The following HECTD4 variants were observed in gnomAD, a reference collection of about 807,000 sequenced individuals.
The protein encoded by HECTD4 is HECT domain E3 ubiquitin protein ligase 4, also known as probable E3 ubiquitin-protein ligase HECTD4.
Under a neutral mutation model 471.5 loss-of-function variants are expected in HECTD4, and 114 were observed. The observed-to-expected ratio is 0.24, with a 90% CI of 0.21 to 0.28. The LOEUF (loss-of-function observed/expected upper bound fraction) is 0.28, where lower values mean the gene tolerates loss of function less well. Ranked by LOEUF, HECTD4 falls within the 10% of genes least tolerant of loss-of-function variation. The pLI is 1.00. For missense variants in HECTD4, 3,866 were observed against 5,651.5 expected (o/e 0.68, Z 10.13); for synonymous variants, 2,012 against 2,256.0 (o/e 0.89, Z 3.07).
intron 1 of HECTD4, among the ~76,000 whole-genome samples, chr12:112,334,512 C>T (rs1022207432): frequency 2.0e-5 from 3 of 151,238 alleles, no homozygotes; most frequent in South Asian, 2.1e-4. Flanking sequence ...TGGCCATAAT[C>T]GGCCAGGCAC....
intron 44 of HECTD4, among the ~76,000 whole-genome samples, chr12:112,221,868 C>T (rs1415188024): frequency 6.6e-6 from 1 of 151,574 alleles, no homozygotes; most frequent in Non-Finnish European, 1.5e-5. Flanking sequence ...GATTCTCCTG[C>T]CTCAGCCTCC....
intron 1 of HECTD4, among the ~76,000 whole-genome samples, chr12:112,321,135 T>C (rs2035577516): frequency 6.6e-6 from 1 of 151,908 alleles, no homozygotes; most frequent in African/African-American, 2.4e-5. Flanking sequence ...TGAGCCACTA[T>C]GCCTGGCAGC....
chr12:112,238,962 TTCTC>T, intron 34 of HECTD4, 86 bp downstream of exon 34: 9 of 1,249,472 alleles, frequency 7.2e-6, no homozygotes, highest in Non-Finnish European at 9.9e-6. Context: ...AATAGAGGCT[TTCTC>T]TCTTTCATTT....
intron 72 of HECTD4, among the ~76,000 whole-genome samples, chr12:112,164,549 T>C (rs1460407679): frequency 6.6e-6 from 1 of 151,878 alleles, no homozygotes; most frequent in East Asian, 1.9e-4. Context: ...CCGACTATGA[T>C]GGGAAACCCT....
At position 112,194,998 on chromosome 12, in the gene HECTD4, G is replaced by A; in HGVS notation, c.8636C>T (p.Ala2879Val). The change falls in exon 56 of 76, where the codon GCC becomes GTC. Residue 2879 changes from alanine to valine, a missense_variant. Ala to Val is a moderately conservative substitution (Grantham distance 64). This residue lies in a region of HECTD4 where 266 missense variants were observed against 441.6 expected (regional missense o/e 0.60). Coordinates refer to ENST00000682272, the MANE Select transcript of HECTD4 (RefSeq NM_001388303.1). This position sits in a 1 kb window ranked among gnomAD's most constrained non-coding sequence, Gnocchi z 4.6. The stretch of plus-strand genomic sequence containing the variant: ...AGTGAACAAGTGAGGCAACTTCGGG[G>A]CGAAGATATTGAGCAGGGCCATGCG... Reference protein sequence around the residue: ...YCRMALLNIFAPKLPHLFTRL... With the variant: ...YCRMALLNIFVPKLPHLFTRL... The A allele has an allele frequency of 6.2e-7, 1 of 1,611,360 alleles. No individual in the cohort carries two copies. Among genetic ancestry groups the A allele is most frequent in the Non-Finnish European group, 8.5e-7 (1 of 1,178,892 alleles).
chr12:112,235,182 T>A lies in HECTD4; in HGVS notation c.5810A>T (p.Asp1937Val), dbSNP rs756875183. Residue 1937 changes from aspartate to valine, a missense_variant, in exon 37 of 76, where the codon GAT becomes GTT. Physicochemically the swap from Asp to Val is radical, Grantham distance 152. Coordinates refer to ENST00000682272, the MANE Select transcript of HECTD4 (RefSeq NM_001388303.1). The surrounding 1 kb of genome is among the most constrained non-coding windows in gnomAD (Gnocchi z 5.0). ...CTCACTCTCTTCTCCAGGATCTTTATCTCCTTTCAAGGAATTCTTGGGACT... is the reference window on the plus strand; with the variant it reads ...CTCACTCTCTTCTCCAGGATCTTTAACTCCTTTCAAGGAATTCTTGGGACT... The part of the protein sequence containing the change: ...KTSPKNSLKG[D>V]KDPGEESEAV... The A allele has an allele frequency of 1.2e-6, 2 of 1,613,992 alleles. No individual in the cohort carries two copies. The highest frequency in any genetic ancestry group is 1.1e-5 in the South Asian group (1 of 91,078).
intron 7 of HECTD4, among the ~76,000 whole-genome samples, chr12:112,287,207 T>C (rs1404474746): frequency 6.6e-6 from 1 of 152,176 alleles, no homozygotes; most frequent in African/African-American, 2.4e-5. Context: ...TTTAATTTTC[T>C]CCCCAGCATT....
chr12:112,203,307 T>C (rs997010529), intron 54 of HECTD4: 1 of 191,272 alleles, frequency 5.2e-6, no homozygotes, highest in Non-Finnish European at 1.1e-5. Flanking sequence ...TCAAGGACAA[T>C]GGGGACTTTT....
chr12:112,377,889 G>A (rs1284463392), intron 1 of HECTD4, among the ~76,000 whole-genome samples: 1 of 151,942 alleles, frequency 6.6e-6, no homozygotes, highest in Admixed American at 6.6e-5. Context: ...AAGAAAGAAA[G>A]AAAGAAAAAG....
intron 23 of HECTD4, 136 bp downstream of exon 23, chr12:112,252,288 G>A: frequency 1.2e-6 from 1 of 813,374 alleles, no homozygotes. Context: ...GCTAGTAGTT[G>A]ACTAGTGCCA....
At chr12:112,251,761 T>TTTTG (rs961670996) in intron 23 of HECTD4, among the ~76,000 whole-genome samples, 1 of 152,128 alleles carries the variant, frequency 6.6e-6, no homozygotes, top group Non-Finnish European at 1.5e-5. Flanking sequence ...GTACTCTGTT[T>TTTTG]TTTGTTTGTT....
At chr12:112,364,925 A>T (rs1419253652) in intron 1 of HECTD4, among the ~76,000 whole-genome samples, 1 of 152,208 alleles carries the variant, frequency 6.6e-6, no homozygotes, top group Admixed American at 6.5e-5. Context: ...CTTGTGGGGC[A>T]TAAGATCTTG....
At chr12:112,323,957 T>TCTTTCTTC (rs2035643731) in intron 1 of HECTD4, among the ~76,000 whole-genome samples, 1 of 43,582 alleles carries the variant, frequency 2.3e-5, no homozygotes, top group Non-Finnish European at 3.6e-5. Flanking sequence ...CTTCTTTCTT[T>TCTTTCTTC]CTTTCTTTCT....
At chr12:112,360,089 A>AT in intron 1 of HECTD4, among the ~76,000 whole-genome samples, 1 of 152,218 alleles carries the variant, frequency 6.6e-6, no homozygotes, top group African/African-American at 2.4e-5. Flanking sequence ...TCTAGAAAGT[A>AT]TTTTTCTTGG....
rs1390878555 is a variant in HECTD4 at position 112,243,671 on chromosome 12, A to G, written c.4740T>C (p.Ser1580=). Residue 1580 remains serine, a synonymous_variant, in exon 31 of 76, where the codon AGT becomes AGC. Coordinates refer to ENST00000682272, the MANE Select transcript of HECTD4 (RefSeq NM_001388303.1). This position sits in a 1 kb window ranked among gnomAD's most constrained non-coding sequence, Gnocchi z 6.6. The part of the protein sequence containing the change: ...IEDSRDKPTY[S]VLLGQLFAFI... Reference sequence around the variant, plus strand: ...AAGCAAACAGCTGCCCTAGCAGGACACTGTAGGTGGGCTTGTCCCTGCTGT... The same window carrying G: ...AAGCAAACAGCTGCCCTAGCAGGACGCTGTAGGTGGGCTTGTCCCTGCTGT... 5 of 1,613,530 alleles carry G rather than the reference A, an allele frequency of 3.1e-6. No individual in the cohort carries two copies. The highest frequency in any genetic ancestry group is 4.5e-5 in the East Asian group (2 of 44,878).
At chr12:112,187,537 C>T (rs971848345) in intron 60 of HECTD4, among the ~76,000 whole-genome samples, 1 of 150,776 alleles carries the variant, frequency 6.6e-6, no homozygotes, top group Non-Finnish European at 1.5e-5. Flanking sequence ...CAGGCCCGGC[C>T]TGTATTTATT....
intron 64 of HECTD4, among the ~76,000 whole-genome samples, chr12:112,177,122 T>A (rs1415211443): frequency 6.6e-6 from 1 of 152,194 alleles, no homozygotes; most frequent in Non-Finnish European, 1.5e-5. Flanking sequence ...AGCACGGATA[T>A]AGATACAGCA....
In HECTD4 at chr12:112,239,250, A is replaced by G. The variant is rs756342213; in HGVS notation, c.5106-14T>C. The G allele has an allele frequency of 1.2e-6, 2 of 1,605,130 alleles. No individual in the cohort carries two copies. The highest frequency in any genetic ancestry group is 1.1e-5 in the South Asian group (1 of 89,304). The stretch of plus-strand genomic sequence containing the variant: ...TTCTCTTCGCTCCTGACAAAGGGTC[A>G]TGGATTACACTAGATAAACGTAACT... On this transcript the variant is annotated splice_polypyrimidine_tract_variant and intron_variant, in intron 33 of 75. Coordinates refer to ENST00000682272, the MANE Select transcript of HECTD4 (RefSeq NM_001388303.1). The surrounding 1 kb of genome is among the most constrained non-coding windows in gnomAD (Gnocchi z 4.9).
At chr12:112,198,337 C>T (rs1259158633) in intron 55 of HECTD4, among the ~76,000 whole-genome samples, 4 of 152,146 alleles carry the variant, frequency 2.6e-5, no homozygotes, top group Non-Finnish European at 4.4e-5. Flanking sequence ...TCTGGGCCAT[C>T]CCTAAGGAAG....
Sources: gnomAD v4.1 joint callset for allele counts (sites outside exome capture counted in the v4.1 genomes callset) on GRCh38, gnomAD v4.1.1 for gene constraint, gnomAD v4.1.1 regional missense constraint, Gnocchi (gnomAD v3.1) non-coding constraint, MANE v1.5 for transcripts, NCBI Gene and HGNC (gene_info 2026-07-23, HGNC 2026-07-21) for gene names.